ARHGEF11: variants seen among roughly 807,000 people sequenced by gnomAD.
ARHGEF11 encodes the protein Rho guanine nucleotide exchange factor 11.
Under a neutral mutation model 193.7 loss-of-function variants are expected in ARHGEF11, and 55 were observed. The observed-to-expected ratio is 0.28, with a 90% CI of 0.23 to 0.36. ARHGEF11 has a LOEUF of 0.36. ARHGEF11 is among the 10% of genes least tolerant of loss of function. The probability of loss-of-function intolerance (pLI) is 1.00; values close to 1 mark genes in which losing one functional copy is unlikely to be tolerated. For missense variants in ARHGEF11, 1,723 were observed against 2,005.6 expected (o/e 0.86, Z 2.69); for synonymous variants, 693 against 768.0 (o/e 0.90, Z 1.62).
chr1:157,022,536 TAGAA>T (rs1670116391), intron 1 of ARHGEF11, among the ~76,000 whole-genome samples: 1 of 152,074 alleles, frequency 6.6e-6, no homozygotes, highest in Non-Finnish European at 1.5e-5. Flanking sequence ...CCTAAATAAA[TAGAA>T]AGACATCCAT....
intron 25 of ARHGEF11, 147 bp from the exon 26 acceptor site, chr1:156,947,597 A>C: frequency 7.5e-7 from 1 of 1,340,938 alleles, no homozygotes; most frequent in Non-Finnish European, 9.9e-7. Flanking sequence ...CTTTTCTCTT[A>C]CTCCAAGGGC....
Position 156,941,915 on chromosome 1 carries a change from G to A in ARHGEF11, c.3401C>T (p.Pro1134Leu), listed in dbSNP as rs1381022717. The A allele has an allele frequency of 1.9e-6, 3 of 1,613,900 alleles. No individual in the cohort carries two copies. The highest frequency in any genetic ancestry group is 1.6e-4 in the Middle Eastern group (1 of 6,072). Residue 1134 changes from proline to leucine, a missense_variant, in exon 34 of 41, where the codon CCT becomes CTT. By Grantham distance (98) the Pro-to-Leu change is moderately conservative. Coordinates refer to ENST00000368194, the MANE Select transcript of ARHGEF11 (RefSeq NM_198236.3). ...HPGAAPMPVH[P>L]PPPGPREPAQ... is the part of the protein sequence containing the mutation. ...TGGCTCCCGGGGACCTGGGGGTGGA[G>A]GATGGACGGGCATTGGGGCAGCTCC...
At chr1:156,973,814 C>T (rs534938968) in intron 7 of ARHGEF11, among the ~76,000 whole-genome samples, 2 of 152,332 alleles carry the variant, frequency 1.3e-5, no homozygotes, top group African/African-American at 4.8e-5. Flanking sequence ...CCATTGCTAT[C>T]CTCTCCTTTT....
intron 32 of ARHGEF11, 46 bp from the exon 33 acceptor site, chr1:156,942,826 G>A: frequency 6.5e-7 from 1 of 1,533,864 alleles, no homozygotes; most frequent in Non-Finnish European, 9.0e-7. Flanking sequence ...AGGGATGGCA[G>A]GTGTGACTGC....
At chr1:156,974,914 G>A (rs569299982) in intron 7 of ARHGEF11, among the ~76,000 whole-genome samples, 7 of 152,214 alleles carry the variant, frequency 4.6e-5, no homozygotes, top group Admixed American at 3.3e-4. Flanking sequence ...ATTCATCAGC[G>A]GAAGAACATT....
chr1:156,967,439 G>A (rs1488898591), intron 11 of ARHGEF11, among the ~76,000 whole-genome samples: 1 of 152,184 alleles, frequency 6.6e-6, no homozygotes, highest in Non-Finnish European at 1.5e-5. Flanking sequence ...TCTTCCTGAA[G>A]TCTCTCCTGG....
chr1:156,979,795 T>C (rs544747233), intron 4 of ARHGEF11, among the ~76,000 whole-genome samples: 6 of 152,260 alleles, frequency 3.9e-5, no homozygotes, highest in Non-Finnish European at 7.3e-5. Context: ...AGCTAGCCTA[T>C]GAGTTTTCAA....
intron 36 of ARHGEF11, 28 bp from the exon 37 acceptor site, chr1:156,939,938 C>T (rs375929380): frequency 1.8e-5 from 28 of 1,596,592 alleles, no homozygotes; most frequent in Non-Finnish European, 2.3e-5. Context: ...TGATGTCTTC[C>T]CAGCATGGGA....
At chr1:157,036,672 G>A (rs1672089682) in intron 1 of ARHGEF11, among the ~76,000 whole-genome samples, 1 of 152,138 alleles carries the variant, frequency 6.6e-6, no homozygotes, top group Non-Finnish European at 1.5e-5. Context: ...CTATTTGGTA[G>A]AAATGGCCTA....
intron 21 of ARHGEF11, among the ~76,000 whole-genome samples, 161 bp from the exon 22 acceptor site, chr1:156,951,860 T>C (rs1659163247): frequency 6.6e-6 from 1 of 152,202 alleles, no homozygotes; most frequent in South Asian, 2.1e-4. Flanking sequence ...CTGGCTCTTC[T>C]ATGAATATGC....
At chr1:156,954,333 T>C (rs533267287) in intron 21 of ARHGEF11, among the ~76,000 whole-genome samples, 1 of 125,582 alleles carries the variant, frequency 8.0e-6, no homozygotes, top group African/African-American at 3.0e-5. Context: ...TGAGGCAAGA[T>C]CACACCACTG....
Position 156,957,677 on chromosome 1 carries a change from C to T in ARHGEF11, c.1526+115G>A, listed in dbSNP as rs1054605649. 5.1e-6 allele frequency: 6 copies of T among 1,185,850 alleles called. No homozygotes were observed. The Admixed American group carries it at 6.8e-5, about 13-fold the overall frequency. 73.5% of individuals were successfully genotyped at this position (1,185,850 alleles called of 1,614,324 possible). A position where few individuals can be genotyped will look rare whatever the true frequency, so the allele number is the denominator to read the frequency against. On this transcript the variant is annotated intron_variant, in intron 18 of 40. Coordinates refer to ENST00000368194, the MANE Select transcript of ARHGEF11 (RefSeq NM_198236.3). ...TAGACTTTCAGGAACCACGGTCCTT[C>T]ATGGTTGTACAACATGAGGGACTCC...
intron 3 of ARHGEF11, 67 bp from the exon 4 acceptor site, chr1:156,980,553 T>G: frequency 6.6e-7 from 1 of 1,514,100 alleles, no homozygotes; most frequent in Non-Finnish European, 9.0e-7. Flanking sequence ...CGAAGGTCCC[T>G]GTCAGATCAC....
chr1:156,961,387 G>C (rs534343296), intron 14 of ARHGEF11, among the ~76,000 whole-genome samples: 1 of 152,192 alleles, frequency 6.6e-6, no homozygotes, highest in Non-Finnish European at 1.5e-5. Context: ...GGGAGGGTTG[G>C]GGGGAACCAG....
At chr1:157,009,430 A>C (rs1360343242) in intron 1 of ARHGEF11, among the ~76,000 whole-genome samples, 1 of 152,198 alleles carries the variant, frequency 6.6e-6, no homozygotes, top group African/African-American at 2.4e-5. Context: ...GACACAGGCA[A>C]AACAGACTTA....
chr1:157,006,029 C>T (rs1442959624), intron 1 of ARHGEF11, among the ~76,000 whole-genome samples: 7 of 152,232 alleles, frequency 4.6e-5, no homozygotes, highest in African/African-American at 1.7e-4. Context: ...TATGTACATA[C>T]ACATAAAACA....
At chr1:156,958,694 A>G (rs1421395134) in intron 17 of ARHGEF11, 48 bp downstream of exon 17, 1 of 1,611,386 alleles carries the variant, frequency 6.2e-7, no homozygotes, top group Non-Finnish European at 8.5e-7. Context: ...AAAATATGTC[A>G]ACCTGCTTAG....
intron 38 of ARHGEF11, 32 bp downstream of exon 38, chr1:156,938,386 C>A: frequency 6.2e-7 from 1 of 1,600,804 alleles, no homozygotes; most frequent in Middle Eastern, 1.7e-4. Flanking sequence ...CCAGTCTTGG[C>A]CTGTCTTTAG....
chr1:156,983,210 CTTTTT>C (rs371721286), intron 3 of ARHGEF11, among the ~76,000 whole-genome samples: 1 of 148,448 alleles, frequency 6.7e-6, no homozygotes, highest in Non-Finnish European at 1.5e-5. Flanking sequence ...CACTGCCTTT[CTTTTT>C]TTTTTGTTTT....
Sources: gnomAD v4.1 joint callset for allele counts (sites outside exome capture counted in the v4.1 genomes callset) on GRCh38, gnomAD v4.1.1 for gene constraint, MANE v1.5 for transcripts, NCBI Gene and HGNC (gene_info 2026-07-23, HGNC 2026-07-21) for gene names.